The following ZNF678 variants were observed in gnomAD, a reference collection of about 807,000 sequenced individuals.
ZNF678 encodes hypothetical protein MGC42493.
A neutral mutation model predicts 3.0 loss-of-function variants in ZNF678; 5 were observed. That is an observed-to-expected ratio of 1.69 (90% confidence interval 0.88 to 3.56). The LOEUF (loss-of-function observed/expected upper bound fraction) is 3.56, where lower values mean the gene tolerates loss of function less well. Among genes scored for constraint, ZNF678 ranks in the 30% most tolerant of loss-of-function variants. The probability of loss-of-function intolerance (pLI) is 0.00; values close to 1 mark genes in which losing one functional copy is unlikely to be tolerated. For missense variants in ZNF678, 593 were observed against 605.0 expected, an observed-to-expected ratio of 0.98 and a Z score of 0.21; for synonymous variants, 218 against 199.6, an observed-to-expected ratio of 1.09 and a Z score of -0.78.
intron 1 of ZNF678, among the ~76,000 whole-genome samples, chr1:227,629,962 C>T (rs1658510885): frequency 6.6e-6 from 1 of 151,566 alleles, no homozygotes; most frequent in South Asian, 2.1e-4. Flanking sequence ...TTTTTAATCC[C>T]ATTCGTCCCA....
chr1:227,632,099 A>C (rs1443426921), intron 1 of ZNF678, among the ~76,000 whole-genome samples: 3 of 152,080 alleles, frequency 2.0e-5, no homozygotes, highest in Non-Finnish European at 2.9e-5. Flanking sequence ...CCATTTACAA[A>C]CTTTGGGCCC....
intron 1 of ZNF678, among the ~76,000 whole-genome samples, chr1:227,593,510 GTCT>G (rs1657474490): frequency 1.3e-5 from 2 of 152,124 alleles, no homozygotes; most frequent in Non-Finnish European, 2.9e-5. Flanking sequence ...TGGCACTGGG[GTCT>G]TTATCGAAAT....
chr1:227,584,785 A>C (rs1230510330), intron 1 of ZNF678, among the ~76,000 whole-genome samples: 2 of 152,216 alleles, frequency 1.3e-5, no homozygotes, highest in Admixed American at 6.5e-5. Flanking sequence ...ATTCTGGTTA[A>C]AGTGACCAAA....
At chr1:227,598,499 TTG>T (rs1657651248) in intron 1 of ZNF678, 1 of 1,366,368 alleles carries the variant, frequency 7.3e-7, no homozygotes, top group Non-Finnish European at 9.4e-7. Flanking sequence ...TTTTCTTTTT[TTG>T]TTTTTTTTCT....
intron 1 of ZNF678, among the ~76,000 whole-genome samples, chr1:227,614,993 A>G (rs1326172712): frequency 6.6e-6 from 1 of 152,242 alleles, no homozygotes; most frequent in Non-Finnish European, 1.5e-5. Flanking sequence ...CGCAGCCTTC[A>G]GCACCAGAAG....
chr1:227,671,843 C>T (rs997669751), intron 5 of ZNF678, among the ~76,000 whole-genome samples: 2 of 152,130 alleles, frequency 1.3e-5, no homozygotes, highest in Non-Finnish European at 2.9e-5. Flanking sequence ...TTCCAAGGAG[C>T]TTATCACTTA....
chr1:227,624,141 T>C (rs1217894035), intron 1 of ZNF678, among the ~76,000 whole-genome samples: 1 of 152,240 alleles, frequency 6.6e-6, no homozygotes, highest in Non-Finnish European at 1.5e-5. Context: ...GTTTGGACAA[T>C]GCTCTTTCTA....
chr1:227,652,034 G>A lies in ZNF678; in HGVS notation c.85+958G>A, dbSNP rs1659104130. Reference sequence around the variant, plus strand: ...TTCTCTTTGCATTTCAAATTTGTGTGGAATTTTTTAATAAACATATATATT... The same window carrying A: ...TTCTCTTTGCATTTCAAATTTGTGTAGAATTTTTTAATAAACATATATATT... On this transcript the variant is annotated intron_variant, in intron 3 of 3. Transcript: ENST00000343776. 5.3e-5 allele frequency among the ~76,000 whole-genome samples: 8 copies of A among 152,162 alleles called. No homozygotes were observed. In the South Asian group the frequency reaches 1.7e-3, roughly 32 times the overall value.
chr1:227,620,606 A>T (rs1658257262), intron 1 of ZNF678, among the ~76,000 whole-genome samples: 6 of 152,234 alleles, frequency 3.9e-5, no homozygotes, highest in Admixed American at 3.9e-4. Context: ...AAGTAAATGT[A>T]AATATGAGTT....
chr1:227,577,248 A>T (rs372702538), intron 1 of ZNF678, among the ~76,000 whole-genome samples: 1 of 152,194 alleles, frequency 6.6e-6, no homozygotes, highest in East Asian at 1.9e-4. Context: ...GTGGATATCT[A>T]TCAGGTCCAT....
intron 1 of ZNF678, among the ~76,000 whole-genome samples, chr1:227,575,799 A>AG (rs1190501240): frequency 1.3e-5 from 2 of 152,128 alleles, no homozygotes; most frequent in East Asian, 3.8e-4. Flanking sequence ...GAGTGGTGAG[A>AG]GAAGGCATCC....
intron 5 of ZNF678, among the ~76,000 whole-genome samples, chr1:227,669,726 T>TAA (rs201398109): frequency 8.0e-4 from 121 of 151,380 alleles, no homozygotes; most frequent in African/African-American, 2.9e-3. Flanking sequence ...AGGCTGCAGA[T>TAA]AAAAAAAACC....
intron 1 of ZNF678, among the ~76,000 whole-genome samples, chr1:227,581,676 G>A (rs948558612): frequency 2.0e-5 from 3 of 152,034 alleles, no homozygotes; most frequent in African/African-American, 7.2e-5. Flanking sequence ...ATAAAATTTC[G>A]ATTGTGTCTA....
At chr1:227,627,267 A>G (rs1361249822) in intron 1 of ZNF678, among the ~76,000 whole-genome samples, 3 of 151,986 alleles carry the variant, frequency 2.0e-5, no homozygotes, top group Non-Finnish European at 4.4e-5. Flanking sequence ...GCTGCAGGCA[A>G]AAGTATTTTT....
Position 227,654,087 on chromosome 1 carries a change from A to G in ZNF678, c.86-249A>G, listed in dbSNP as rs564364597. The stretch of plus-strand genomic sequence containing the variant: ...ATAAATGTAACAAACTTTACTTTCT[A>G]TTCTACATGGATTTTGCAATTGTGC... On this transcript the variant is annotated intron_variant, in intron 3 of 3. Transcript: ENST00000343776. 1.3e-3 allele frequency among the ~76,000 whole-genome samples: 199 copies of G among 152,206 alleles called. 1 individual carries two copies. The highest frequency in any genetic ancestry group is 4.6e-3 in the African/African-American group (192 of 41,554).
At chr1:227,597,585 A>G (rs1253869704) in intron 1 of ZNF678, among the ~76,000 whole-genome samples, 1 of 152,234 alleles carries the variant, frequency 6.6e-6, no homozygotes, top group Non-Finnish European at 1.5e-5. Flanking sequence ...GCACATTCTA[A>G]TGCTAAAAAA....
chr1:227,664,901 CCT>C (rs965793634), downstream of ZNF678, among the ~76,000 whole-genome samples: 3 of 152,172 alleles, frequency 2.0e-5, no homozygotes, highest in African/African-American at 4.8e-5. Flanking sequence ...GCAAGCACAG[CCT>C]CTCTCAGTCC....
intron 1 of ZNF678, among the ~76,000 whole-genome samples, chr1:227,634,269 T>A (rs1199966226): frequency 1.3e-5 from 2 of 152,232 alleles, no homozygotes; most frequent in Non-Finnish European, 2.9e-5. Flanking sequence ...TGAGACTTGC[T>A]GGCTTCAGGT....
At chr1:227,623,767 T>C (rs918681823) in intron 1 of ZNF678, among the ~76,000 whole-genome samples, 7 of 152,242 alleles carry the variant, frequency 4.6e-5, no homozygotes, top group African/African-American at 7.2e-5. Context: ...TTTTCAATCA[T>C]ACTTTTTGTA....
Sources: allele counts gnomAD v4.1 joint callset (sites outside exome capture counted in the v4.1 genomes callset), GRCh38; gene constraint gnomAD v4.1.1; transcripts MANE v1.5; gene names NCBI Gene and HGNC (gene_info 2026-07-23, HGNC 2026-07-21).